Variants in PTPRT observed in about 807,000 individuals in gnomAD.
PTPRT encodes the protein protein tyrosine phosphatase receptor type T.
A neutral mutation model predicts 176.8 loss-of-function variants in PTPRT; 56 were observed. The observed-to-expected ratio is 0.32, with a 90% CI of 0.26 to 0.40. PTPRT has a LOEUF of 0.40. Among genes scored for constraint, PTPRT ranks in the 10% least tolerant of loss-of-function variants. PTPRT has a pLI of 1.00. For missense variants in PTPRT, 1,540 were observed against 1,908.2 expected (o/e 0.81, Z 3.60); for synonymous variants, 783 against 739.0 (o/e 1.06, Z -0.96).
At chr20:42,525,455 G>A (rs1172084996) in intron 7 of PTPRT, among the ~76,000 whole-genome samples, 1 of 152,134 alleles carries the variant, frequency 6.6e-6, no homozygotes, top group Admixed American at 6.5e-5. Flanking sequence ...TCCTAGGGCA[G>A]GCAGTGCTGT....
intron 9 of PTPRT, among the ~76,000 whole-genome samples, chr20:42,377,436 C>A (rs999593995): frequency 6.6e-6 from 1 of 152,194 alleles, no homozygotes; most frequent in Non-Finnish European, 1.5e-5. Flanking sequence ...CATGCATAAA[C>A]CAGTGTTTTG....
At chr20:42,878,587 C>A (rs978495924) in intron 2 of PTPRT, among the ~76,000 whole-genome samples, 1 of 152,216 alleles carries the variant, frequency 6.6e-6, no homozygotes, top group African/African-American at 2.4e-5. Flanking sequence ...AGTTGCTTCA[C>A]TTCTCTGGGA....
At position 43,179,149 on chromosome 20, in the gene PTPRT, G is replaced by A. The variant is rs185543672; in HGVS notation, c.88+10497C>T. On this transcript the variant is annotated intron_variant, in intron 1 of 30. Transcript: ENST00000373187. Reference sequence around the variant, plus strand: ...GACAAAACATCCTTCCTTCACTGCAGGATCTCCTGGGGCCCTAAACACAGT... The same window carrying A: ...GACAAAACATCCTTCCTTCACTGCAAGATCTCCTGGGGCCCTAAACACAGT... Among the ~76,000 whole-genome samples, 8 of 152,302 alleles carry A rather than the reference G, an allele frequency of 5.3e-5. No individual in the cohort carries two copies. In the East Asian group the frequency reaches 1.5e-3, roughly 29 times the overall value.
chr20:42,134,027 G>A (rs560753737), intron 18 of PTPRT, among the ~76,000 whole-genome samples: 78 of 152,304 alleles, frequency 5.1e-4, no homozygotes, highest in African/African-American at 1.8e-3. Flanking sequence ...ACTATTGTGT[G>A]TGTTCACTAA....
At chr20:42,193,989 G>A (rs953040535) in intron 16 of PTPRT, among the ~76,000 whole-genome samples, 6 of 152,110 alleles carry the variant, frequency 3.9e-5, no homozygotes, top group Non-Finnish European at 8.8e-5. Context: ...TGCAATATAT[G>A]TATGATTTGG....
chr20:42,575,291 G>C (rs1290404554), intron 7 of PTPRT, among the ~76,000 whole-genome samples: 1 of 152,188 alleles, frequency 6.6e-6, no homozygotes, highest in African/African-American at 2.4e-5. Context: ...ACCGTCAAGT[G>C]TTAGCAGAGC....
At chr20:42,866,694 C>G (rs1160316070) in intron 2 of PTPRT, among the ~76,000 whole-genome samples, 1 of 152,204 alleles carries the variant, frequency 6.6e-6, no homozygotes, top group Non-Finnish European at 1.5e-5. Context: ...CTCATCACAT[C>G]TCATCCTATG....
rs1359053175 is a variant in PTPRT at position 42,074,562 on chromosome 20, AATG to A, written c.*6314_*6316del. ...TCTCAGATATAGAAGGAAGCCCCAT[AATG>A]ATCAAGCCCCTAAAACTCTTCCCAA... On this transcript the variant is annotated 3_prime_UTR_variant, in exon 31 of 31. Coordinates refer to ENST00000373187, the MANE Select transcript of PTPRT (RefSeq NM_007050.6). The A allele has an allele frequency of 2.6e-6, 1 of 386,550 alleles. No homozygotes were observed. Among genetic ancestry groups the A allele is most frequent in the Non-Finnish European group, 4.6e-6 (1 of 219,058 alleles). 23.9% of individuals were successfully genotyped at this position (386,550 alleles called of 1,614,324 possible).
At chr20:42,277,729 G>A (rs751105644) in intron 13 of PTPRT, among the ~76,000 whole-genome samples, 2 of 152,066 alleles carry the variant, frequency 1.3e-5, no homozygotes, top group Non-Finnish European at 2.9e-5. Flanking sequence ...AACAGAGGCT[G>A]GCTGGCCTTC....
At chr20:42,529,816 C>T (rs1040562464) in intron 7 of PTPRT, among the ~76,000 whole-genome samples, 1 of 144,564 alleles carries the variant, frequency 6.9e-6, no homozygotes, top group Non-Finnish European at 1.5e-5. Context: ...ATCAAAAGAC[C>T]TAACTCTTAT....
At chr20:42,423,240 A>G (rs1264323481) in intron 9 of PTPRT, among the ~76,000 whole-genome samples, 1 of 151,464 alleles carries the variant, frequency 6.6e-6, no homozygotes, top group Non-Finnish European at 1.5e-5. Context: ...AAATGAGTCA[A>G]TTTCTCTGCC....
At chr20:43,079,038 T>C (rs2011361137) in intron 1 of PTPRT, among the ~76,000 whole-genome samples, 1 of 152,226 alleles carries the variant, frequency 6.6e-6, no homozygotes, top group African/African-American at 2.4e-5. Context: ...GTGCCATTTT[T>C]GTATACTTTG....
At chr20:43,012,069 C>T (rs771897407) in intron 1 of PTPRT, among the ~76,000 whole-genome samples, 3 of 152,174 alleles carry the variant, frequency 2.0e-5, no homozygotes, top group East Asian at 1.9e-4. Flanking sequence ...TTTTAGGACT[C>T]GGACTGGCTT....
Position 43,048,178 on chromosome 20 carries a change from G to C in PTPRT, c.88+141468C>G, listed in dbSNP as rs572916580. On this transcript the variant is annotated intron_variant, in intron 1 of 30. Transcript: ENST00000373187. ...CTCCTGGGAGTTGGCTGGGCAGAGG[G>C]GGTGGGGTCCAGGAGAAAAGGGCTT... Among the ~76,000 whole-genome samples, 3 of 152,300 alleles carry C rather than the reference G, an allele frequency of 2.0e-5. No individual in the cohort carries two copies. The East Asian group carries it at 5.8e-4, about 29-fold the overall frequency.
chr20:42,259,137 T>C (rs541317280), intron 13 of PTPRT, among the ~76,000 whole-genome samples: 1 of 152,360 alleles, frequency 6.6e-6, no homozygotes, highest in South Asian at 2.1e-4. Context: ...CCTCAAGTGC[T>C]GATTTTGCTT....
intron 7 of PTPRT, among the ~76,000 whole-genome samples, chr20:42,539,361 CTTTTTTTT>C (rs71193665): frequency 7.5e-6 from 1 of 134,214 alleles, no homozygotes; most frequent in Non-Finnish European, 1.6e-5. Flanking sequence ...ATCACCATCA[CTTTTTTTT>C]TTTTTTTTTG....
At chr20:42,809,938 A>C (rs1336577211) in intron 2 of PTPRT, among the ~76,000 whole-genome samples, 1 of 152,120 alleles carries the variant, frequency 6.6e-6, no homozygotes, top group Non-Finnish European at 1.5e-5. Flanking sequence ...CACTACAACT[A>C]CACTGGGTGA....
At chr20:42,767,167 T>C (rs1193794594) in intron 5 of PTPRT, among the ~76,000 whole-genome samples, 1 of 152,150 alleles carries the variant, frequency 6.6e-6, no homozygotes, top group African/African-American at 2.4e-5. Context: ...TGTTAACCTA[T>C]GTGATGGTTA....
At chr20:43,125,897 G>A (rs1189500612) in intron 1 of PTPRT, among the ~76,000 whole-genome samples, 2 of 152,188 alleles carry the variant, frequency 1.3e-5, no homozygotes, top group African/African-American at 4.8e-5. Flanking sequence ...GAAAAGGAAA[G>A]CCACAGAAAG....
Sources: gnomAD v4.1 joint callset for allele counts (sites outside exome capture counted in the v4.1 genomes callset) on GRCh38, gnomAD v4.1.1 for gene constraint, MANE v1.5 for transcripts, NCBI Gene and HGNC (gene_info 2026-07-23, HGNC 2026-07-21) for gene names.